PCDHGB2: variants seen among roughly 807,000 people sequenced by gnomAD.
PCDHGB2 encodes protocadherin gamma-B2.
PCDHGB2 carries 55 observed loss-of-function variants against 59.3 expected under a neutral mutation model. The observed-to-expected ratio is 0.93, with a 90% CI of 0.75 to 1.16. PCDHGB2 has a LOEUF of 1.16. Among genes scored for constraint, PCDHGB2 ranks in the 50% most tolerant of loss-of-function variants. The pLI is 0.00. For synonymous variants in PCDHGB2, 516 were observed against 512.0 expected, an observed-to-expected ratio of 1.01 and a Z score of -0.11; for missense variants, 1,228 against 1,198.5, an observed-to-expected ratio of 1.02 and a Z score of -0.36.
chr5:141,502,450 C>T (rs184669731), intron 2 of PCDHGB2, among the ~76,000 whole-genome samples: 3 of 152,010 alleles, frequency 2.0e-5, no homozygotes, highest in Admixed American at 1.3e-4. Context: ...AGATTACACA[C>T]CTTGGTAGGA....
chr5:141,368,755 G>A (rs557718841), intron 1 of PCDHGB2, among the ~76,000 whole-genome samples: 1 of 151,984 alleles, frequency 6.6e-6, no homozygotes, highest in Non-Finnish European at 1.5e-5. Flanking sequence ...TTAAATATCT[G>A]AATCTTTAGT....
intron 1 of PCDHGB2, chr5:141,416,864 G>C (rs2096066198): frequency 6.6e-6 from 1 of 151,862 alleles, no homozygotes; most frequent in Admixed American, 6.6e-5. Flanking sequence ...TTTCAGGTCA[G>C]TCAACATTTG....
intron 1 of PCDHGB2, chr5:141,424,160 CATCT>C (rs1554117117): frequency 1.5e-5 from 4 of 273,202 alleles, no homozygotes; most frequent in South Asian, 1.4e-4. Flanking sequence ...CTCTCCTTCT[CATCT>C]ATCTATCTAT....
rs181495329 is a variant in PCDHGB2, at chr5:141,489,120, G to A, written c.2422-5687G>A. ...AACTGCTGCAAGCAGGCAAACCTCC[G>A]AGCAGTTTTTAAGAGGCTGGAAGGA... is the stretch of plus-strand genomic sequence containing the variant. On this transcript the variant is annotated intron_variant, in intron 1 of 3. Coordinates refer to ENST00000522605, the MANE Select transcript of PCDHGB2 (RefSeq NM_018923.3). This position sits in a 1 kb window ranked among gnomAD's most constrained non-coding sequence, Gnocchi z 4.5. 1.8e-5 allele frequency: 8 copies of A among 445,672 alleles called. No homozygotes were observed. The East Asian group carries it at 1.9e-4, about 11-fold the overall frequency. The allele number at this position is 445,672 out of a possible 1,614,324, so 27.6% of individuals were successfully genotyped here.
chr5:141,398,048 G>T, intron 1 of PCDHGB2: 2 of 1,506,604 alleles, frequency 1.3e-6, no homozygotes, highest in South Asian at 1.3e-5. Flanking sequence ...CCCGTTCGGA[G>T]ATCCAAAAAT....
In PCDHGB2 at chr5:141,487,102, G is replaced by C; in HGVS notation, c.2422-7705G>C. The C allele has an allele frequency of 6.2e-7, 1 of 1,613,900 alleles. No homozygotes were observed. Among genetic ancestry groups the C allele is most frequent in the Non-Finnish European group, 8.5e-7 (1 of 1,179,818 alleles). ...CAGCTGACCTCCCACCACAGAAGCTGGTCATTGTGGTAAAGGATAGTGGTA... is the reference window on the plus strand; with the variant it reads ...CAGCTGACCTCCCACCACAGAAGCTCGTCATTGTGGTAAAGGATAGTGGTA... On this transcript the variant is annotated intron_variant, in intron 1 of 3. Transcript: ENST00000522605. This position sits in a 1 kb window ranked among gnomAD's most constrained non-coding sequence, Gnocchi z 5.0.
intron 3 of PCDHGB2, 134 bp downstream of exon 3, chr5:141,505,615 C>T: frequency 2.0e-6 from 3 of 1,504,946 alleles, no homozygotes; most frequent in Non-Finnish European, 1.8e-6. Flanking sequence ...TCTGAAAGGA[C>T]CCACAATTCC....
chr5:141,446,797 A>G lies in PCDHGB2; in HGVS notation c.2422-48010A>G, dbSNP rs559881142. ...CCATTCTTTTACTCTGAGTTCTTCC[A>G]TTGTGATCATCTAGTCAGATGGGTA... is the stretch of plus-strand genomic sequence containing the variant. On this transcript the variant is annotated intron_variant, in intron 1 of 3. Coordinates refer to ENST00000522605, the MANE Select transcript of PCDHGB2 (RefSeq NM_018923.3). Among the ~76,000 whole-genome samples, 48 of 152,224 alleles carry G rather than the reference A, an allele frequency of 3.2e-4. No individual in the cohort carries two copies. In the South Asian group the frequency reaches 7.3e-3, roughly 23 times the overall value.
chr5:141,413,122 G>A, intron 1 of PCDHGB2: 1 of 1,525,890 alleles, frequency 6.6e-7, no homozygotes. Flanking sequence ...GGAACCGGTT[G>A]AAACACACAA....
chr5:141,360,231 G>T lies in PCDHGB2; in HGVS notation c.96G>T (p.Gln32His). ...TGTTCCCCGGGGCTCTCCCAGTCCA[G>T]ATCCGCTATTCAATTCCAGAGGAGC... ...LSLFPGALPVQIRYSIPEELA... is the reference protein window; with the variant it reads ...LSLFPGALPVHIRYSIPEELA... The change falls in exon 1 of 4, where the codon CAG (glutamine) becomes CAT (histidine). Residue 32 changes from glutamine (Q) to histidine (H), a missense_variant. This residue lies in a region of PCDHGB2 where 781 missense variants were observed against 721.6 expected (regional missense o/e 1.08). Transcript: ENST00000522605. 2 of 1,613,880 alleles carry T rather than the reference G, an allele frequency of 1.2e-6. No homozygotes were observed. The highest frequency in any genetic ancestry group is 1.7e-6 in the Non-Finnish European group (2 of 1,179,844).
intron 1 of PCDHGB2, chr5:141,366,144 C>T (rs925056179): frequency 1.9e-6 from 3 of 1,614,182 alleles, no homozygotes; most frequent in Non-Finnish European, 2.5e-6. Flanking sequence ...GCCTGGCTGT[C>T]CTACCGCCTG....
At chr5:141,456,936 C>G (rs1012944904) in intron 1 of PCDHGB2, among the ~76,000 whole-genome samples, 20 of 152,190 alleles carry the variant, frequency 1.3e-4, no homozygotes, top group African/African-American at 4.3e-4. Context: ...GCACTCCAGC[C>G]TGGGCAACAG....
Position 141,421,312 on chromosome 5 carries a change from G to A in PCDHGB2, c.2421+58756G>A, listed in dbSNP as rs375071225. ...CCTGGGGACGCTGCGGGGGTTCCGGGCCAGGCAGATCCGATATTCGGTGCC... is the reference window on the plus strand; with the variant it reads ...CCTGGGGACGCTGCGGGGGTTCCGGACCAGGCAGATCCGATATTCGGTGCC... On this transcript the variant is annotated intron_variant, in intron 1 of 3. Coordinates refer to ENST00000522605, the MANE Select transcript of PCDHGB2 (RefSeq NM_018923.3). The A allele has an allele frequency of 1.9e-5, 31 of 1,613,630 alleles. No homozygotes were observed. The highest frequency in any genetic ancestry group is 1.4e-5 in the Non-Finnish European group (17 of 1,179,886).
intron 1 of PCDHGB2, chr5:141,419,568 A>T: frequency 1.2e-6 from 2 of 1,611,742 alleles, no homozygotes; most frequent in African/African-American, 2.7e-5. Flanking sequence ...CTGGGTCCCG[A>T]CGGCTCCGCG....
intron 1 of PCDHGB2, chr5:141,399,447 C>CAT: frequency 6.2e-7 from 1 of 1,614,006 alleles, no homozygotes; most frequent in Non-Finnish European, 8.5e-7. Flanking sequence ...ATATCAGAGA[C>CAT]GTCAACGATA....
chr5:141,422,175 T>G (rs2096631593), intron 1 of PCDHGB2: 1 of 1,564,276 alleles, frequency 6.4e-7, no homozygotes, highest in Non-Finnish European at 8.6e-7. Context: ...ATAGATTCTA[T>G]GAGATGGAAA....
At chr5:141,391,107 T>C (rs1225302584) in intron 1 of PCDHGB2, 1 of 152,098 alleles carries the variant, frequency 6.6e-6, no homozygotes, top group African/African-American at 2.4e-5. Context: ...CCTAAACTAA[T>C]ATAGCTAGAG....
rs746487145 is a variant in PCDHGB2 at position 141,505,415 on chromosome 5, G to A, written c.2503G>A (p.Gly835Ser). 7.4e-6 allele frequency: 12 copies of A among 1,614,074 alleles called. No individual in the cohort carries two copies. The East Asian group carries it at 1.3e-4, about 18-fold the overall frequency. Residue 835 changes from glycine to serine, a missense_variant, in exon 3 of 4, where the codon GGC (glycine) becomes AGC (serine). Gly to Ser is a moderately conservative substitution (Grantham distance 56, BLOSUM62 0). Coordinates refer to ENST00000522605, the MANE Select transcript of PCDHGB2 (RefSeq NM_018923.3). ...CAGCTCCCAAAATGGCGATGACACC[G>A]GCACCTGGCCCAACAACCAGTTTGA... ...TSGSQNGDDT[G>S]TWPNNQFDTE...
intron 1 of PCDHGB2, among the ~76,000 whole-genome samples, chr5:141,386,755 G>A (rs72790029): frequency 0.064 from 9,806 of 152,198 alleles, 370 homozygotes; most frequent in African/African-American, 0.1. Context: ...GCAGAACTAC[G>A]GTTATAAGGT....
Sources: gnomAD v4.1 joint callset for allele counts (sites outside exome capture counted in the v4.1 genomes callset) on GRCh38, gnomAD v4.1.1 for gene constraint, gnomAD v4.1.1 regional missense constraint, Gnocchi (gnomAD v3.1) non-coding constraint, MANE v1.5 for transcripts, NCBI Gene and HGNC (gene_info 2026-07-23, HGNC 2026-07-21) for gene names.